The following ADCY2 variants were observed in gnomAD, a reference collection of about 807,000 sequenced individuals.
ADCY2 encodes adenylate cyclase type 2.
ADCY2 carries 31 observed loss-of-function variants against 125.2 expected under a neutral mutation model. The observed-to-expected ratio is 0.25, with a 90% confidence interval of 0.19 to 0.33. The LOEUF is 0.33. Among genes scored for constraint, ADCY2 ranks in the 10% least tolerant of loss-of-function variants. ADCY2 has a pLI of 1.00. For synonymous variants in ADCY2, 512 were observed against 548.4 expected (o/e 0.93, Z 0.93); for missense variants, 904 against 1,418.2 (o/e 0.64, Z 5.82).
chr5:7,575,973 T>C (rs1736233512), intron 3 of ADCY2, among the ~76,000 whole-genome samples: 1 of 152,188 alleles, frequency 6.6e-6, no homozygotes, highest in Admixed American at 6.5e-5. Flanking sequence ...TTTTGGCAAC[T>C]GGAGATACTT....
At chr5:7,810,100 T>C (rs1744885390) in intron 22 of ADCY2, among the ~76,000 whole-genome samples, 2 of 152,186 alleles carry the variant, frequency 1.3e-5, no homozygotes, top group Non-Finnish European at 2.9e-5. Context: ...TTTCTTTCCA[T>C]GGACTTTAGA....
rs1049557791 is a variant in ADCY2 at position 7,517,686 on chromosome 5, A to C, written c.409-3052A>C. On this transcript the variant is annotated intron_variant, in intron 2 of 24. Transcript: ENST00000338316. ...TGCCATCTCATAATGAATACTTAAC[A>C]GGGACTTCTGTATTCAGAAAACTGA... 3.3e-5 allele frequency among the ~76,000 whole-genome samples: 5 copies of C among 152,182 alleles called. No homozygotes were observed. In the East Asian group the frequency reaches 9.6e-4, roughly 29 times the overall value.
intron 15 of ADCY2, among the ~76,000 whole-genome samples, chr5:7,750,676 A>T (rs114428148): frequency 0.011 from 1,604 of 151,560 alleles, 12 homozygotes; most frequent in African/African-American, 0.015. Flanking sequence ...TAAAAACAGG[A>T]TTCCATAATT....
chr5:7,628,961 C>A (rs1215490108), intron 4 of ADCY2, among the ~76,000 whole-genome samples: 6 of 152,172 alleles, frequency 3.9e-5, no homozygotes, highest in African/African-American at 1.4e-4. Context: ...GGCCACTGAT[C>A]AAATTCAGGT....
intron 2 of ADCY2, among the ~76,000 whole-genome samples, chr5:7,447,772 C>T (rs1379768926): frequency 6.6e-6 from 1 of 152,094 alleles, no homozygotes; most frequent in Non-Finnish European, 1.5e-5. Flanking sequence ...TGCTGTTGTA[C>T]CAGATCTCAG....
rs113730161 is a variant in ADCY2 at position 7,709,048 on chromosome 5, A to G, written c.1402-163A>G. On this transcript the variant is annotated intron_variant, in intron 9 of 24. Transcript: ENST00000338316. The surrounding 1 kb of genome is among the most constrained non-coding windows in gnomAD (Gnocchi z 4.4). ...CTGAAAAAAGATTCCCTCAACTCAAATAGTGTGTTCCCCAGTAACACTGAA... is the reference window on the plus strand; with the variant it reads ...CTGAAAAAAGATTCCCTCAACTCAAGTAGTGTGTTCCCCAGTAACACTGAA... 0.012 allele frequency among the ~76,000 whole-genome samples: 1,863 copies of G among 152,302 alleles called. 31 individuals carry two copies. Among genetic ancestry groups the G allele is most frequent in the African/African-American group, 0.042 (1,762 of 41,562 alleles).
At chr5:7,805,476 G>C (rs1744732517) in intron 22 of ADCY2, among the ~76,000 whole-genome samples, 1 of 152,042 alleles carries the variant, frequency 6.6e-6, no homozygotes, top group Non-Finnish European at 1.5e-5. Context: ...GAGAGAGAGA[G>C]ACAGCATGTA....
At chr5:7,475,302 C>T (rs6876976) in intron 2 of ADCY2, among the ~76,000 whole-genome samples, 47 of 152,176 alleles carry the variant, frequency 3.1e-4, no homozygotes, top group African/African-American at 7.5e-4. Context: ...TCACTGTATC[C>T]GTGGTCTGGA....
rs116886044 is a variant in ADCY2, at chr5:7,576,713, G to T, written c.571-49454G>T. ...GAGGCTCAGATAATTTAAATAACTT[G>T]CTTAAAGGTCACACAGCTTGTAAAT... On this transcript the variant is annotated intron_variant, in intron 3 of 24. Coordinates refer to ENST00000338316, the MANE Select transcript of ADCY2 (RefSeq NM_020546.3). 5.9e-4 allele frequency among the ~76,000 whole-genome samples: 90 copies of T among 152,142 alleles called. No homozygotes were observed. The East Asian group carries it at 0.016, about 28-fold the overall frequency.
chr5:7,438,849 C>T (rs1221821341), intron 2 of ADCY2, among the ~76,000 whole-genome samples: 2 of 152,150 alleles, frequency 1.3e-5, no homozygotes, highest in Non-Finnish European at 2.9e-5. Context: ...TGATTCTGCC[C>T]TGGGCTGTGA....
At chr5:7,501,135 A>ATTTTT (rs1561059958) in intron 2 of ADCY2, among the ~76,000 whole-genome samples, 2 of 121,514 alleles carry the variant, frequency 1.6e-5, no homozygotes, top group African/African-American at 3.1e-5. Context: ...TTTTTTTAAA[A>ATTTTT]AAAAAAAAAA....
chr5:7,507,418 G>A (rs1451447522), intron 2 of ADCY2, among the ~76,000 whole-genome samples: 1 of 118,632 alleles, frequency 8.4e-6, no homozygotes, highest in Admixed American at 8.2e-5. Context: ...TCCAGCCTGG[G>A]CGACAGAGCG....
At chr5:7,741,489 G>A (rs1006776308) in intron 14 of ADCY2, among the ~76,000 whole-genome samples, 19 of 143,100 alleles carry the variant, frequency 1.3e-4, no homozygotes, top group African/African-American at 4.7e-4. Context: ...TAGATTTTAG[G>A]ATGTAGCATC....
At chr5:7,465,203 C>G (rs1437985533) in intron 2 of ADCY2, among the ~76,000 whole-genome samples, 1 of 152,240 alleles carries the variant, frequency 6.6e-6, no homozygotes, top group East Asian at 1.9e-4. Context: ...CAAACCATAT[C>G]ATTATCTTTC....
At chr5:7,498,575 A>G (rs768887727) in intron 2 of ADCY2, among the ~76,000 whole-genome samples, 22 of 152,264 alleles carry the variant, frequency 1.4e-4, no homozygotes, top group Middle Eastern at 3.4e-3. Flanking sequence ...AATGCTTTTG[A>G]TAATGTAAAT....
chr5:7,462,937 A>G (rs2126442149), intron 2 of ADCY2, among the ~76,000 whole-genome samples: 1 of 152,314 alleles, frequency 6.6e-6, no homozygotes, highest in Non-Finnish European at 1.5e-5. Context: ...TCCCTAGCTG[A>G]TGCAGCAAGC....
intron 6 of ADCY2, 78 bp from the exon 7 acceptor site, chr5:7,698,169 C>T (rs60394679): frequency 0.15 from 234,185 of 1,563,714 alleles, 19,710 homozygotes; most frequent in Admixed American, 0.36. Context: ...GCAGAGCTGG[C>T]GCTTGATGAT....
intron 2 of ADCY2, among the ~76,000 whole-genome samples, chr5:7,450,324 G>A (rs1355205630): frequency 1.3e-5 from 2 of 152,130 alleles, no homozygotes; most frequent in African/African-American, 4.8e-5. Flanking sequence ...AAGTCTTATT[G>A]CTGATATAGA....
chr5:7,419,279 A>G (rs200177056), intron 2 of ADCY2, among the ~76,000 whole-genome samples: 1 of 152,208 alleles, frequency 6.6e-6, no homozygotes, highest in East Asian at 1.9e-4. Flanking sequence ...GGAACTTGTG[A>G]CAGCCGTTAT....
Sources: allele counts gnomAD v4.1 joint callset (sites outside exome capture counted in the v4.1 genomes callset), GRCh38; gene constraint gnomAD v4.1.1; non-coding constraint Gnocchi (gnomAD v3.1); transcripts MANE v1.5; gene names NCBI Gene and HGNC (gene_info 2026-07-23, HGNC 2026-07-21).